Variants in FOXP1 observed in about 807,000 individuals in gnomAD.
The protein encoded by FOXP1 is forkhead box protein P1.
Under a neutral mutation model 98.2 loss-of-function variants are expected in FOXP1, and 15 were observed. The ratio of observed to expected loss-of-function variants is 0.15; its 90% CI spans 0.10 to 0.24. FOXP1 has a LOEUF of 0.24. Ranked by LOEUF, FOXP1 falls within the 10% of genes least tolerant of loss-of-function variation. The pLI, the probability that FOXP1 is intolerant of heterozygous loss-of-function variation, is 1.00. For missense variants in FOXP1, 633 were observed against 848.5 expected (o/e 0.75, Z 3.15); for synonymous variants, 371 against 314.5 (o/e 1.18, Z -1.90).
At chr3:71,439,498 G>C (rs1175242276) in intron 3 of FOXP1, among the ~76,000 whole-genome samples, 4 of 152,166 alleles carry the variant, frequency 2.6e-5, no homozygotes, top group Non-Finnish European at 5.9e-5. Context: ...ATTCCCTAGA[G>C]AACTGAAAGA....
chr3:71,040,528 T>C (rs1020938209), intron 11 of FOXP1: 1 of 152,284 alleles, frequency 6.6e-6, no homozygotes, highest in Non-Finnish European at 1.5e-5. Flanking sequence ...GTACTAAGAA[T>C]ACCATAACAT....
In FOXP1 at chr3:71,576,812, C is replaced by T. The variant is rs112073503; in HGVS notation, c.-298+4737G>A. Among the ~76,000 whole-genome samples the T allele has an allele frequency of 6.3e-3, 954 of 152,222 alleles. 10 individuals carry two copies. Among genetic ancestry groups the T allele is most frequent in the African/African-American group, 0.021 (867 of 41,502 alleles). ...CTTGGGGAGGGTCATGAGGAAACAC[C>T]CATTTACACCTGTTCAGGTACTAGG... On this transcript the variant is annotated intron_variant, in intron 2 of 20. Coordinates refer to ENST00000649528, the MANE Select transcript of FOXP1 (RefSeq NM_001349338.3).
At chr3:71,371,523 T>C (rs1012893777) in intron 3 of FOXP1, among the ~76,000 whole-genome samples, 1 of 152,226 alleles carries the variant, frequency 6.6e-6, no homozygotes, top group Non-Finnish European at 1.5e-5. Context: ...CAGTGACTCA[T>C]GCCTGTGATG....
chr3:71,384,026 G>A (rs1391579257), intron 3 of FOXP1, among the ~76,000 whole-genome samples: 3 of 152,214 alleles, frequency 2.0e-5, no homozygotes, highest in Middle Eastern at 3.4e-3. Flanking sequence ...AGACCAGCCT[G>A]GCCAACGTGG....
chr3:71,035,133 G>C lies in FOXP1; in HGVS notation c.869+6195C>G, dbSNP rs562312333. The stretch of plus-strand genomic sequence containing the variant: ...CTGATGCAGGTCTGGGGCAGGGCCA[G>C]AGACTGAGTTTCTAACAAGCTTCCA... On this transcript the variant is annotated intron_variant, in intron 11 of 20. Coordinates refer to ENST00000649528, the MANE Select transcript of FOXP1 (RefSeq NM_001349338.3). Among the ~76,000 whole-genome samples the C allele has an allele frequency of 4.9e-4, 74 of 152,320 alleles. 1 individual carries two copies. The highest frequency in any genetic ancestry group is 1.7e-3 in the African/African-American group (72 of 41,568).
intron 4 of FOXP1, among the ~76,000 whole-genome samples, chr3:71,348,427 G>T (rs2077507962): frequency 6.6e-6 from 1 of 152,096 alleles, no homozygotes; most frequent in South Asian, 2.1e-4. Context: ...GTGGGAGGCT[G>T]TTGGTGTTTC....
At chr3:71,024,570 G>A (rs978105436) in intron 11 of FOXP1, among the ~76,000 whole-genome samples, 1 of 152,030 alleles carries the variant, frequency 6.6e-6, no homozygotes, top group African/African-American at 2.4e-5. Context: ...TCTCACGCAG[G>A]GAATCCTTGA....
At chr3:70,978,785 C>A (rs192656874) in intron 14 of FOXP1, among the ~76,000 whole-genome samples, 80 of 151,966 alleles carry the variant, frequency 5.3e-4, no homozygotes, top group African/African-American at 1.9e-3. Context: ...TTATGAATAA[C>A]CTTTATTAAA....
At chr3:71,041,623 C>T in intron 10 of FOXP1, 91 bp from the exon 11 acceptor site, 1 of 1,312,782 alleles carries the variant, frequency 7.6e-7, no homozygotes, top group Non-Finnish European at 1.1e-6. Flanking sequence ...GTAAACAAAG[C>T]CTAGTGTTAG....
At chr3:71,162,478 G>A (rs981194806) in intron 6 of FOXP1, among the ~76,000 whole-genome samples, 2 of 152,186 alleles carry the variant, frequency 1.3e-5, no homozygotes, top group Non-Finnish European at 2.9e-5. Context: ...GACATCCAAT[G>A]TTAAGATGGT....
At chr3:71,064,811 C>G in intron 7 of FOXP1, 10 of 984,786 alleles carry the variant, frequency 1.0e-5, no homozygotes, top group Non-Finnish European at 1.1e-5. Flanking sequence ...AAAGATCAAT[C>G]AGAAGGACCA....
chr3:71,008,846 T>G (rs1217140833), intron 12 of FOXP1, among the ~76,000 whole-genome samples: 1 of 152,012 alleles, frequency 6.6e-6, no homozygotes, highest in East Asian at 1.9e-4. Flanking sequence ...GTTATGATAT[T>G]TCTTCCTCAG....
intron 3 of FOXP1, among the ~76,000 whole-genome samples, chr3:71,396,542 T>A (rs2081384761): frequency 6.6e-6 from 1 of 151,976 alleles, no homozygotes. Flanking sequence ...ACAAGCTTCC[T>A]ACCAAGCACT....
At chr3:71,373,080 G>A (rs914419183) in intron 3 of FOXP1, among the ~76,000 whole-genome samples, 4 of 152,148 alleles carry the variant, frequency 2.6e-5, no homozygotes, top group African/African-American at 4.8e-5. Context: ...TACCCTGGAC[G>A]ACTCCGAAAA....
At chr3:71,006,053 G>A (rs140910337) in intron 12 of FOXP1, among the ~76,000 whole-genome samples, 1 of 152,182 alleles carries the variant, frequency 6.6e-6, no homozygotes, top group African/African-American at 2.4e-5. Context: ...GCTGAGAGTC[G>A]TGATTTGTAA....
At position 71,268,725 on chromosome 3, in the gene FOXP1, A is replaced by C. The variant is rs2070008255; in HGVS notation, c.-12+31095T>G. Among the ~76,000 whole-genome samples, 3 of 152,318 alleles carry C rather than the reference A, an allele frequency of 2.0e-5. No homozygotes were observed. The South Asian group carries it at 6.2e-4, about 32-fold the overall frequency. On this transcript the variant is annotated intron_variant, in intron 5 of 20. Coordinates refer to ENST00000649528, the MANE Select transcript of FOXP1 (RefSeq NM_001349338.3). ...ATCAGTGGGCTGGGAAGATGCAAGC[A>C]GGCATACCACACCCAAAGGGCGGTT...
At chr3:70,993,401 G>A (rs1384536584) in intron 13 of FOXP1, among the ~76,000 whole-genome samples, 3 of 152,192 alleles carry the variant, frequency 2.0e-5, no homozygotes, top group Non-Finnish European at 4.4e-5. Flanking sequence ...GATCCTCTGG[G>A]TGGAAGCGTT....
At chr3:71,519,910 T>A (rs1293826867) in intron 2 of FOXP1, among the ~76,000 whole-genome samples, 1 of 152,204 alleles carries the variant, frequency 6.6e-6, no homozygotes, top group Non-Finnish European at 1.5e-5. Flanking sequence ...ATGCAGTCCC[T>A]CCCATAAAGG....
chr3:71,457,037 T>A (rs1031827058), intron 3 of FOXP1, among the ~76,000 whole-genome samples: 1 of 152,056 alleles, frequency 6.6e-6, no homozygotes, highest in African/African-American at 2.4e-5. Flanking sequence ...GACAGAATGC[T>A]GGGCTACTGA....
Sources: gnomAD v4.1 joint callset for allele counts (sites outside exome capture counted in the v4.1 genomes callset) on GRCh38, gnomAD v4.1.1 for gene constraint, MANE v1.5 for transcripts, NCBI Gene and HGNC (gene_info 2026-07-23, HGNC 2026-07-21) for gene names.